The following MCTP1 variants were observed in gnomAD, a reference collection of about 807,000 sequenced individuals.
MCTP1 encodes multiple C2 and transmembrane domain-containing protein 1.
A neutral mutation model predicts 120.6 loss-of-function variants in MCTP1; 69 were observed. The ratio of observed to expected loss-of-function variants is 0.57; its 90% CI spans 0.47 to 0.70. The LOEUF is 0.70. MCTP1 is among the 30% of genes least tolerant of loss of function. MCTP1 has a pLI of 0.00. For synonymous variants in MCTP1, 529 were observed against 493.1 expected (o/e 1.07, Z -0.96); for missense variants, 1,203 against 1,248.8 (o/e 0.96, Z 0.55).
intron 17 of MCTP1, among the ~76,000 whole-genome samples, chr5:94,846,826 TG>T (rs2153220718): frequency 6.6e-6 from 1 of 151,968 alleles, no homozygotes; most frequent in South Asian, 2.1e-4. Flanking sequence ...TCTGTGTGTG[TG>T]TGTGTGTGTG....
intron 20 of MCTP1, 62 bp downstream of exon 20, chr5:94,714,715 C>T: frequency 1.0e-6 from 1 of 1,001,208 alleles, no homozygotes; most frequent in East Asian, 2.4e-5. Context: ...TTTCACCCTC[C>T]AAGAAACAAA....
intron 10 of MCTP1, among the ~76,000 whole-genome samples, chr5:94,908,018 G>C (rs72775388): frequency 6.6e-6 from 1 of 151,918 alleles, no homozygotes; most frequent in Non-Finnish European, 1.5e-5. Flanking sequence ...CTAATCATTC[G>C]AGGAATAGCT....
At chr5:95,034,383 T>A (rs904796139) in intron 1 of MCTP1, among the ~76,000 whole-genome samples, 26 of 151,526 alleles carry the variant, frequency 1.7e-4, no homozygotes, top group African/African-American at 6.3e-4. Flanking sequence ...AACACATAGA[T>A]CAATGGAACA....
chr5:95,067,787 C>G (rs1751061484), intron 1 of MCTP1, among the ~76,000 whole-genome samples: 1 of 152,066 alleles, frequency 6.6e-6, no homozygotes, highest in Non-Finnish European at 1.5e-5. Flanking sequence ...ACTAACCTAT[C>G]TTTTTTGTGG....
chr5:95,078,933 T>C (rs1231261756), intron 1 of MCTP1, among the ~76,000 whole-genome samples: 1 of 152,204 alleles, frequency 6.6e-6, no homozygotes, highest in African/African-American at 2.4e-5. Flanking sequence ...CTAGGCATTA[T>C]TATTATTTTC....
chr5:95,140,693 TAAAAAAAAAAAAAAAAAAAAAAA>T (rs35248317), intron 1 of MCTP1, among the ~76,000 whole-genome samples: 3 of 27,596 alleles, frequency 1.1e-4, no homozygotes, highest in African/African-American at 3.1e-4. Flanking sequence ...CTGTCCCTAC[TAAAAAAAAAAAAAAAAAAAAAAA>T]AAAAAAAAAA....
chr5:95,210,329 G>C (rs251087), intron 1 of MCTP1, among the ~76,000 whole-genome samples: 132,893 of 149,516 alleles, frequency 0.89, 59,051 homozygotes, highest in Admixed American at 0.9. Flanking sequence ...GTAGGTCACT[G>C]AGGACTTGCT....
intron 19 of MCTP1, among the ~76,000 whole-genome samples, chr5:94,715,756 T>TG (rs1759003563): frequency 6.6e-6 from 1 of 152,224 alleles, no homozygotes; most frequent in Non-Finnish European, 1.5e-5. Flanking sequence ...CACAGGCACT[T>TG]GCCTAGGCTG....
intron 17 of MCTP1, among the ~76,000 whole-genome samples, chr5:94,838,607 CT>C (rs1454985683): frequency 6.6e-6 from 1 of 152,150 alleles, no homozygotes; most frequent in Non-Finnish European, 1.5e-5. Context: ...CAGTACATAC[CT>C]TAAGTCTTTA....
intron 17 of MCTP1, among the ~76,000 whole-genome samples, chr5:94,866,554 T>G (rs2153275014): frequency 6.6e-6 from 1 of 151,660 alleles, no homozygotes; most frequent in African/African-American, 2.4e-5. Context: ...CTCTTTTTTT[T>G]TTTTTTTGCA....
At chr5:94,756,781 T>A (rs1327126157) in intron 19 of MCTP1, among the ~76,000 whole-genome samples, 1 of 152,234 alleles carries the variant, frequency 6.6e-6, no homozygotes, top group Admixed American at 6.5e-5. Flanking sequence ...TTTATTCATA[T>A]GTATCCTTCT....
Position 95,169,290 on chromosome 5 carries a change from C to G in MCTP1, c.720+114566G>C, listed in dbSNP as rs190159748. ...AAGCTTTTCGATGTGCTGCTGGATT[C>G]GGTTTGCCAGTATTTTATTGAGGAT... On this transcript the variant is annotated intron_variant, in intron 1 of 22. Transcript: ENST00000515393. 4.3e-4 allele frequency among the ~76,000 whole-genome samples: 65 copies of G among 152,234 alleles called. No individual in the cohort carries two copies. The Middle Eastern group carries it at 0.014, about 32-fold the overall frequency.
At chr5:95,017,833 A>AGAATAAGAG (rs1486670283) in intron 1 of MCTP1, among the ~76,000 whole-genome samples, 1 of 152,152 alleles carries the variant, frequency 6.6e-6, no homozygotes, top group Non-Finnish European at 1.5e-5. Flanking sequence ...TGATGAGTGG[A>AGAATAAGAG]GAATAAGAGT....
At chr5:94,733,654 A>T (rs1288571689) in intron 19 of MCTP1, among the ~76,000 whole-genome samples, 1 of 152,158 alleles carries the variant, frequency 6.6e-6, no homozygotes, top group Non-Finnish European at 1.5e-5. Flanking sequence ...CAAAAATCAC[A>T]TCTAATGTTA....
intron 1 of MCTP1, among the ~76,000 whole-genome samples, chr5:95,250,884 T>C (rs145774975): frequency 5.1e-4 from 77 of 152,340 alleles, no homozygotes; most frequent in African/African-American, 1.6e-3. Context: ...ATGTAGTATA[T>C]GAGCTACTCA....
intron 4 of MCTP1, among the ~76,000 whole-genome samples, chr5:94,940,610 ATATATGTG>A (rs1817448945): frequency 6.8e-6 from 1 of 146,520 alleles, no homozygotes; most frequent in Non-Finnish European, 1.5e-5. Flanking sequence ...ACATATACAT[ATATATGTG>A]TATATATATA....
intron 1 of MCTP1, among the ~76,000 whole-genome samples, chr5:95,134,907 C>A (rs751646382): frequency 7.2e-6 from 1 of 138,482 alleles, no homozygotes; most frequent in Non-Finnish European, 1.5e-5. Flanking sequence ...AAATAATAGG[C>A]AGTCTCTGGA....
intron 1 of MCTP1, among the ~76,000 whole-genome samples, chr5:95,092,488 T>A (rs1247598625): frequency 6.6e-6 from 1 of 152,120 alleles, no homozygotes; most frequent in Non-Finnish European, 1.5e-5. Flanking sequence ...TAGCAACAAT[T>A]TATTGTATAT....
intron 1 of MCTP1, among the ~76,000 whole-genome samples, chr5:95,200,873 T>C (rs945940201): frequency 3.3e-5 from 5 of 152,194 alleles, no homozygotes; most frequent in Non-Finnish European, 5.9e-5. Context: ...ATTCCACAAC[T>C]TATACATATT....
Sources: allele counts gnomAD v4.1 joint callset (sites outside exome capture counted in the v4.1 genomes callset), GRCh38; gene constraint gnomAD v4.1.1; transcripts MANE v1.5; gene names NCBI Gene and HGNC (gene_info 2026-07-23, HGNC 2026-07-21).